MAGI2: variants seen among roughly 807,000 people sequenced by gnomAD.
MAGI2 encodes the protein membrane-associated guanylate kinase, WW and PDZ domain-containing protein 2.
Under a neutral mutation model 133.3 loss-of-function variants are expected in MAGI2, and 35 were observed. The observed-to-expected ratio is 0.26, with a 90% CI of 0.20 to 0.35. MAGI2 has a LOEUF of 0.35. MAGI2 is among the 10% of genes least tolerant of loss of function. MAGI2 has a pLI of 1.00. For synonymous variants in MAGI2, 729 were observed against 710.6 expected (o/e 1.03, Z -0.41); for missense variants, 1,636 against 1,863.4 (o/e 0.88, Z 2.25).
At chr7:78,243,829 A>G (rs1247270331) in intron 10 of MAGI2, among the ~76,000 whole-genome samples, 2 of 152,120 alleles carry the variant, frequency 1.3e-5, no homozygotes, top group Non-Finnish European at 2.9e-5. Context: ...AAAATATATA[A>G]TAAGGCTTGA....
At chr7:78,713,099 G>C (rs1345770868) in intron 2 of MAGI2, among the ~76,000 whole-genome samples, 1 of 152,198 alleles carries the variant, frequency 6.6e-6, no homozygotes, top group East Asian at 1.9e-4. Flanking sequence ...GGAAATGTGA[G>C]ACTATGTTTG....
intron 1 of MAGI2, among the ~76,000 whole-genome samples, chr7:79,074,161 T>G (rs6946810): frequency 1.3e-5 from 2 of 152,164 alleles, no homozygotes; most frequent in East Asian, 3.8e-4. Context: ...CACCTTATCA[T>G]ACACTGAACG....
At chr7:79,017,571 T>C (rs551705993) in intron 1 of MAGI2, among the ~76,000 whole-genome samples, 107 of 152,266 alleles carry the variant, frequency 7.0e-4, no homozygotes, top group South Asian at 2.7e-3. Flanking sequence ...CCAGCAACAG[T>C]TCCTAACTAG....
chr7:78,061,809 T>TCCAGCGAATACA (rs1813300917), intron 21 of MAGI2, among the ~76,000 whole-genome samples: 1 of 151,978 alleles, frequency 6.6e-6, no homozygotes, highest in African/African-American at 2.4e-5. Context: ...TAAGAGAAAA[T>TCCAGCGAATACA]CCAGCGAATA....
intron 1 of MAGI2, among the ~76,000 whole-genome samples, chr7:79,156,268 A>G (rs184124420): frequency 1.3e-5 from 2 of 152,168 alleles, no homozygotes; most frequent in African/African-American, 2.4e-5. Flanking sequence ...TTTCTTTGCC[A>G]TATTTTGAGA....
chr7:78,352,634 G>A (rs946881753), intron 7 of MAGI2, among the ~76,000 whole-genome samples: 2 of 152,126 alleles, frequency 1.3e-5, no homozygotes, highest in African/African-American at 2.4e-5. Flanking sequence ...TCTATGTTGG[G>A]GATATAGTAT....
At chr7:78,462,099 C>T (rs368703820) in intron 6 of MAGI2, among the ~76,000 whole-genome samples, 93 of 152,068 alleles carry the variant, frequency 6.1e-4, no homozygotes, top group African/African-American at 2.2e-3. Context: ...TGATGGTGTA[C>T]TCTTATTTAA....
At chr7:78,514,610 G>C (rs550897633) in intron 4 of MAGI2, among the ~76,000 whole-genome samples, 73 of 152,294 alleles carry the variant, frequency 4.8e-4, no homozygotes, top group Non-Finnish European at 9.6e-4. Flanking sequence ...CGCAGTCTCT[G>C]TGAACCCACA....
At chr7:78,375,488 C>T (rs1434023183) in intron 6 of MAGI2, among the ~76,000 whole-genome samples, 1 of 151,956 alleles carries the variant, frequency 6.6e-6, no homozygotes, top group Non-Finnish European at 1.5e-5. Context: ...AGGAATCATG[C>T]AATGTACTAA....
At chr7:78,753,717 CAA>C (rs560397759) in intron 2 of MAGI2, among the ~76,000 whole-genome samples, 3 of 126,618 alleles carry the variant, frequency 2.4e-5, no homozygotes, top group African/African-American at 2.9e-5. Flanking sequence ...ACTTAACTAG[CAA>C]AAAAAAAAAA....
intron 20 of MAGI2, among the ~76,000 whole-genome samples, chr7:78,092,642 C>A (rs1446301926): frequency 6.6e-6 from 1 of 152,108 alleles, no homozygotes; most frequent in Non-Finnish European, 1.5e-5. Flanking sequence ...ATAAAGCTTT[C>A]TTAAATCACT....
chr7:78,659,225 C>A (rs534175879), intron 2 of MAGI2, among the ~76,000 whole-genome samples: 1 of 151,560 alleles, frequency 6.6e-6, no homozygotes, highest in Admixed American at 6.6e-5. Flanking sequence ...CCGAGGCAGG[C>A]GGATCACGAG....
chr7:79,361,177 A>G (rs779336986), intron 1 of MAGI2, among the ~76,000 whole-genome samples: 1 of 152,222 alleles, frequency 6.6e-6, no homozygotes, highest in Non-Finnish European at 1.5e-5. Context: ...ATGATTTTAA[A>G]TATGTATGCA....
chr7:78,740,349 T>C (rs907695690), intron 2 of MAGI2, among the ~76,000 whole-genome samples: 1 of 152,204 alleles, frequency 6.6e-6, no homozygotes, highest in Admixed American at 6.5e-5. Context: ...TGTTAAAATC[T>C]TTTTTACAGC....
At position 78,038,183 on chromosome 7, in the gene MAGI2, C is replaced by G. The variant is rs561548268; in HGVS notation, c.3707-18207G>C. Among the ~76,000 whole-genome samples the G allele has an allele frequency of 1.2e-4, 18 of 151,702 alleles. No homozygotes were observed. The South Asian group carries it at 3.5e-3, about 30-fold the overall frequency. On this transcript the variant is annotated intron_variant, in intron 21 of 21. Transcript: ENST00000354212. Reference sequence around the variant, plus strand: ...CTGGGATCTGTCTTGTTCACTGTTGCAATTTCAGCCCCTAACACAGTGCTG... The same window carrying G: ...CTGGGATCTGTCTTGTTCACTGTTGGAATTTCAGCCCCTAACACAGTGCTG...
chr7:78,192,446 CT>C (rs1828312466), intron 12 of MAGI2, among the ~76,000 whole-genome samples: 1 of 150,708 alleles, frequency 6.6e-6, no homozygotes, highest in Non-Finnish European at 1.5e-5. Context: ...AAATCTTTTT[CT>C]TTTAGTACTG....
At chr7:79,231,903 C>T (rs1831405560) in intron 1 of MAGI2, among the ~76,000 whole-genome samples, 1 of 152,084 alleles carries the variant, frequency 6.6e-6, no homozygotes, top group Non-Finnish European at 1.5e-5. Flanking sequence ...CAGTTTTTGC[C>T]CATTCAGTAT....
intron 2 of MAGI2, among the ~76,000 whole-genome samples, chr7:78,761,776 G>A (rs1320084263): frequency 6.6e-6 from 1 of 151,986 alleles, no homozygotes. Flanking sequence ...GATTCTGTAA[G>A]GTAGGTTGAG....
At chr7:79,265,089 T>C (rs1490373717) in intron 1 of MAGI2, among the ~76,000 whole-genome samples, 1 of 152,064 alleles carries the variant, frequency 6.6e-6, no homozygotes, top group Non-Finnish European at 1.5e-5. Flanking sequence ...ATCCAGACCA[T>C]AGCAATTATT....
Sources: allele counts gnomAD v4.1 joint callset (sites outside exome capture counted in the v4.1 genomes callset), GRCh38; gene constraint gnomAD v4.1.1; transcripts MANE v1.5; gene names NCBI Gene and HGNC (gene_info 2026-07-23, HGNC 2026-07-21).